XRCC4: variants seen among roughly 807,000 people sequenced by gnomAD.
XRCC4 encodes X-ray repair cross complementing 4, also known as DNA repair protein XRCC4.
Under a neutral mutation model 39.1 loss-of-function variants are expected in XRCC4, and 28 were observed. The ratio of observed to expected loss-of-function variants is 0.72; its 90% CI spans 0.53 to 0.98. XRCC4 has a LOEUF of 0.98. Ranked by LOEUF, XRCC4 falls within the 50% of genes least tolerant of loss-of-function variation. The pLI, the probability that XRCC4 is intolerant of heterozygous loss-of-function variation, is 0.00. For synonymous variants in XRCC4, 123 were observed against 126.4 expected, an observed-to-expected ratio of 0.97 and a Z score of 0.18; for missense variants, 350 against 376.4, an observed-to-expected ratio of 0.93 and a Z score of 0.58.
Position 83,106,779 on chromosome 5 carries a change from G to A in XRCC4, c.139+1721G>A, listed in dbSNP as rs557424947. ...CACATTTGGTTTGTCAACACTCTTTGCAATTATCTAGACCGGTACCTACGA... is the reference window on the plus strand; with the variant it reads ...CACATTTGGTTTGTCAACACTCTTTACAATTATCTAGACCGGTACCTACGA... On this transcript the variant is annotated intron_variant, in intron 2 of 7. Transcript: ENST00000396027. Among the ~76,000 whole-genome samples, 49 of 152,018 alleles carry A rather than the reference G, an allele frequency of 3.2e-4. 1 individual carries two copies. The highest frequency in any genetic ancestry group is 3.4e-3 in the Middle Eastern group (1 of 294).
At chr5:83,196,041 A>G (rs1386497758) in intron 4 of XRCC4, 105 bp downstream of exon 4, 1 of 1,185,214 alleles carries the variant, frequency 8.4e-7, no homozygotes, top group Admixed American at 2.6e-5. Context: ...GGATTAGCAC[A>G]TATATATTTA....
intron 3 of XRCC4, among the ~76,000 whole-genome samples, chr5:83,180,016 ATAGT>A (rs2112647674): frequency 6.6e-6 from 1 of 152,328 alleles, no homozygotes; most frequent in South Asian, 2.1e-4. Context: ...GGTGCAAGGA[ATAGT>A]TAAAGGGCCT....
At chr5:83,316,544 G>A (rs1357599312) in intron 7 of XRCC4, among the ~76,000 whole-genome samples, 3 of 150,772 alleles carry the variant, frequency 2.0e-5, no homozygotes, top group African/African-American at 4.9e-5. Context: ...AAAGGCAGGG[G>A]TTGCAATCCT....
intron 7 of XRCC4, among the ~76,000 whole-genome samples, chr5:83,345,074 A>G (rs1443023439): frequency 6.6e-6 from 1 of 152,110 alleles, no homozygotes; most frequent in East Asian, 1.9e-4. Flanking sequence ...TCTTTGGCAT[A>G]TGTTTTGGCT....
At chr5:83,211,639 G>A (rs956628417) in intron 6 of XRCC4, among the ~76,000 whole-genome samples, 10 of 152,236 alleles carry the variant, frequency 6.6e-5, no homozygotes, top group African/African-American at 1.4e-4. Flanking sequence ...CCCAACAAAA[G>A]AAAAGAAACC....
rs562031420 is a variant in XRCC4, at chr5:83,279,255, A to G, written c.893+20578A>G. On this transcript the variant is annotated intron_variant, in intron 7 of 7. Coordinates refer to ENST00000396027, the MANE Select transcript of XRCC4 (RefSeq NM_003401.5). ...AGACAAAATTTGACACACAATTAGC[A>G]TATTGACAGAGCAGCCAGAATACAT... Among the ~76,000 whole-genome samples, 537 of 151,944 alleles carry G rather than the reference A, an allele frequency of 3.5e-3. 3 individuals carry two copies. The highest frequency in any genetic ancestry group is 6.4e-3 in the Admixed American group (97 of 15,240).
chr5:83,182,740 T>C (rs2112656309), intron 3 of XRCC4, among the ~76,000 whole-genome samples: 1 of 152,224 alleles, frequency 6.6e-6, no homozygotes, highest in South Asian at 2.1e-4. Context: ...ATGAATGGGA[T>C]CAGTGCTCTT....
At chr5:83,324,591 T>G (rs1048874354) in intron 7 of XRCC4, among the ~76,000 whole-genome samples, 16 of 152,288 alleles carry the variant, frequency 1.1e-4, no homozygotes, top group African/African-American at 3.8e-4. Context: ...CTTTTGCCAT[T>G]TCTGTAGCTT....
intron 6 of XRCC4, among the ~76,000 whole-genome samples, chr5:83,249,041 A>G (rs1268990864): frequency 6.6e-6 from 1 of 152,164 alleles, no homozygotes; most frequent in Non-Finnish European, 1.5e-5. Flanking sequence ...TCTGGATAAT[A>G]TAATCATTTT....
intron 3 of XRCC4, among the ~76,000 whole-genome samples, chr5:83,162,446 G>T (rs2112588680): frequency 6.6e-6 from 1 of 152,216 alleles, no homozygotes; most frequent in African/African-American, 2.4e-5. Flanking sequence ...CTTATTGTCA[G>T]ATTCCTGTTT....
At chr5:83,097,118 T>C (rs1472378616) in intron 1 of XRCC4, among the ~76,000 whole-genome samples, 1 of 152,166 alleles carries the variant, frequency 6.6e-6, no homozygotes, top group Non-Finnish European at 1.5e-5. Context: ...CAAAATGTAT[T>C]CAGAGATGTG....
chr5:83,339,910 C>G (rs1756703608), intron 7 of XRCC4, among the ~76,000 whole-genome samples: 1 of 152,154 alleles, frequency 6.6e-6, no homozygotes, highest in Admixed American at 6.6e-5. Context: ...TTACTTCTGC[C>G]TTGGATTGAT....
chr5:83,368,754 T>C, the XRCC4 span, among the ~76,000 whole-genome samples: 5 of 152,204 alleles, frequency 3.3e-5, no homozygotes, highest in Non-Finnish European at 7.3e-5. Context: ...TACGATATAC[T>C]AAATATAATT....
chr5:83,137,666 T>C (rs946000970), intron 3 of XRCC4, among the ~76,000 whole-genome samples: 1 of 152,166 alleles, frequency 6.6e-6, no homozygotes, highest in African/African-American at 2.4e-5. Flanking sequence ...CAACTGTTTG[T>C]CCTCAATTGT....
chr5:83,166,460 GT>G (rs200217928), intron 3 of XRCC4, among the ~76,000 whole-genome samples: 64,681 of 142,060 alleles, frequency 0.46, 14,752 homozygotes, highest in African/African-American at 0.58. Flanking sequence ...GTTCCTGTTT[GT>G]TTTTTTTTTT....
At chr5:83,294,392 T>C (rs147411438) in intron 7 of XRCC4, among the ~76,000 whole-genome samples, 8 of 152,196 alleles carry the variant, frequency 5.3e-5, no homozygotes, top group African/African-American at 1.9e-4. Flanking sequence ...AGTTCAAAGA[T>C]AGAATGATAA....
chr5:83,356,274 C>A (rs189048119), downstream of XRCC4, among the ~76,000 whole-genome samples: 264 of 152,018 alleles, frequency 1.7e-3, 2 homozygotes, highest in African/African-American at 6.0e-3. Flanking sequence ...CCTGAATAGA[C>A]CACAAATGAC....
intron 6 of XRCC4, among the ~76,000 whole-genome samples, chr5:83,234,474 A>G (rs1752613406): frequency 1.3e-5 from 2 of 152,104 alleles, no homozygotes; most frequent in Non-Finnish European, 2.9e-5. Context: ...CAGTAAAATC[A>G]TACCACAGTA....
chr5:83,324,765 G>A (rs1756192829), intron 7 of XRCC4, among the ~76,000 whole-genome samples: 1 of 152,080 alleles, frequency 6.6e-6, no homozygotes, highest in African/African-American at 2.4e-5. Context: ...CTAAGATTGT[G>A]AAGTATTTGA....
Sources: gnomAD v4.1 joint callset for allele counts (sites outside exome capture counted in the v4.1 genomes callset) on GRCh38, gnomAD v4.1.1 for gene constraint, MANE v1.5 for transcripts, NCBI Gene and HGNC (gene_info 2026-07-23, HGNC 2026-07-21) for gene names.